PIWIL1: variants seen among roughly 807,000 people sequenced by gnomAD.
PIWIL1 encodes piwi like RNA-mediated gene silencing 1.
In PIWIL1, 73 loss-of-function variants were observed where a neutral mutation model predicts 114.4. That is an observed-to-expected ratio of 0.64 (90% CI 0.53 to 0.78). The LOEUF is 0.78. PIWIL1 is among the 30% of genes least tolerant of loss of function. The pLI is 0.00. For missense variants in PIWIL1, 723 were observed against 1,063.1 expected (o/e 0.68, Z 4.45); for synonymous variants, 375 against 369.0 (o/e 1.02, Z -0.19).
the PIWIL1 span, among the ~76,000 whole-genome samples, chr12:130,407,991 T>C: frequency 1.3e-5 from 2 of 152,178 alleles, no homozygotes; most frequent in Non-Finnish European, 1.5e-5. Context: ...GTCTCTACTT[T>C]GGGTCAGTGG....
chr12:130,369,765 C>T (rs1168652533), intron 19 of PIWIL1, among the ~76,000 whole-genome samples: 1 of 151,960 alleles, frequency 6.6e-6, no homozygotes, highest in African/African-American at 2.4e-5. Context: ...GCTTAAGTTC[C>T]TTGTAGATTC....
intron 3 of PIWIL1, among the ~76,000 whole-genome samples, chr12:130,344,887 G>C (rs1195295258): frequency 1.3e-5 from 2 of 152,128 alleles, no homozygotes; most frequent in Non-Finnish European, 2.9e-5. Flanking sequence ...GGGGAGGGTG[G>C]AAATTTTAGT....
chr12:130,371,085 G>A, intron 19 of PIWIL1, 91 bp from the exon 20 acceptor site: 5 of 1,060,014 alleles, frequency 4.7e-6, no homozygotes, highest in Non-Finnish European at 7.2e-6. Context: ...GTAACTTACA[G>A]TGAAGAGTGG....
the PIWIL1 span, chr12:130,398,966 A>G: frequency 5.3e-6 from 2 of 377,816 alleles, no homozygotes; most frequent in Non-Finnish European, 9.8e-6. Context: ...TAATATTCTA[A>G]TTATTTAGGT....
At chr12:130,424,179 TG>T in the PIWIL1 span, 2 of 1,232,032 alleles carry the variant, frequency 1.6e-6, no homozygotes, top group South Asian at 4.1e-5. This position sits in a 1 kb window ranked among gnomAD's most constrained non-coding sequence, Gnocchi z 9.8. Flanking sequence ...TGGCTTTGCG[TG>T]GGGGGCAGCT....
the PIWIL1 span, among the ~76,000 whole-genome samples, chr12:130,403,941 C>A: frequency 3.9e-5 from 6 of 152,080 alleles, no homozygotes; most frequent in Non-Finnish European, 8.8e-5. Flanking sequence ...TTATAAAGAC[C>A]ATCTATCTTT....
the PIWIL1 span, among the ~76,000 whole-genome samples, chr12:130,418,068 A>G: frequency 3.3e-5 from 5 of 152,248 alleles, no homozygotes; most frequent in African/African-American, 1.2e-4. Flanking sequence ...AAGAGACAGG[A>G]CAGGTGGTGG....
At chr12:130,393,304 A>C in the PIWIL1 span, among the ~76,000 whole-genome samples, 3 of 147,802 alleles carry the variant, frequency 2.0e-5, no homozygotes, top group Admixed American at 6.7e-5. Flanking sequence ...TTACCTGGTG[A>C]ATATTGAATG....
downstream of PIWIL1, among the ~76,000 whole-genome samples, chr12:130,375,768 A>G (rs1593131340): frequency 6.7e-6 from 1 of 150,298 alleles, no homozygotes; most frequent in Non-Finnish European, 1.5e-5. Context: ...TTCCCTCAAA[A>G]CTCCTGTGTT....
At chr12:130,407,978 A>G in the PIWIL1 span, 5 of 695,336 alleles carry the variant, frequency 7.2e-6, no homozygotes, top group Admixed American at 6.4e-5. Flanking sequence ...CACATCAGCA[A>G]ACGTCTCTAC....
chr12:130,398,856 A>G, the PIWIL1 span: 5 of 227,004 alleles, frequency 2.2e-5, no homozygotes, highest in African/African-American at 1.1e-4. Context: ...TATGTTCCCA[A>G]TGTTGGCCTT....
chr12:130,379,628 G>A, the PIWIL1 span, among the ~76,000 whole-genome samples: 6 of 43,148 alleles, frequency 1.4e-4, no homozygotes, highest in Admixed American at 2.4e-4. Context: ...TCCCATCCAA[G>A]CATTGACAGT....
chr12:130,340,600 G>A (rs1454051481), intron 1 of PIWIL1, among the ~76,000 whole-genome samples: 4 of 140,934 alleles, frequency 2.8e-5, no homozygotes, highest in African/African-American at 5.3e-5. Context: ...TCCGGTACAG[G>A]TCCATGGGGC....
At chr12:130,415,396 G>A in the PIWIL1 span, among the ~76,000 whole-genome samples, 4 of 152,128 alleles carry the variant, frequency 2.6e-5, no homozygotes, top group Non-Finnish European at 5.9e-5. Context: ...ATTGAAAGAT[G>A]TACCTCAAAA....
At chr12:130,355,347 T>G (rs967596039) in intron 11 of PIWIL1, among the ~76,000 whole-genome samples, 2 of 152,214 alleles carry the variant, frequency 1.3e-5, no homozygotes, top group African/African-American at 4.8e-5. Flanking sequence ...GGCATCAGAA[T>G]TTTAAGTTAA....
At chr12:130,355,410 C>T in intron 11 of PIWIL1, 143 bp from the exon 12 acceptor site, 3 of 692,726 alleles carry the variant, frequency 4.3e-6, no homozygotes, top group East Asian at 4.9e-5. Flanking sequence ...GATTGTGCTC[C>T]TGTGCCAGCT....
chr12:130,424,915 G>C, the PIWIL1 span: 1 of 1,052,628 alleles, frequency 9.5e-7, no homozygotes, highest in Non-Finnish European at 1.2e-6. The surrounding 1 kb of genome is among the most constrained non-coding windows in gnomAD (Gnocchi z 9.8). Flanking sequence ...TCAGCATGAA[G>C]TGGGGGCCAG....
At chr12:130,382,203 G>A in the PIWIL1 span, among the ~76,000 whole-genome samples, 7 of 152,168 alleles carry the variant, frequency 4.6e-5, no homozygotes, top group African/African-American at 9.7e-5. Flanking sequence ...TTGTTAGCAG[G>A]GGCCACGAGG....
intron 9 of PIWIL1, among the ~76,000 whole-genome samples, chr12:130,353,321 TTTTC>T (rs2073268884): frequency 1.1e-5 from 1 of 94,122 alleles, no homozygotes; most frequent in Non-Finnish European, 2.7e-5. Context: ...GTGTGTGGTT[TTTTC>T]TTCTGGTGTG....
Sources: allele counts gnomAD v4.1 joint callset (sites outside exome capture counted in the v4.1 genomes callset), GRCh38; gene constraint gnomAD v4.1.1; non-coding constraint Gnocchi (gnomAD v3.1); transcripts MANE v1.5; gene names NCBI Gene and HGNC (gene_info 2026-07-23, HGNC 2026-07-21).